The following TLCD3B variants were observed in gnomAD, a reference collection of about 807,000 sequenced individuals.
The protein encoded by TLCD3B is ceramide synthase.
In TLCD3B, 9 loss-of-function variants were observed where a neutral mutation model predicts 23.0. The observed-to-expected ratio is 0.39, with a 90% confidence interval of 0.24 to 0.68. TLCD3B has a LOEUF of 0.68. Ranked by LOEUF, TLCD3B falls within the 30% of genes least tolerant of loss-of-function variation. The pLI, the probability that TLCD3B is intolerant of heterozygous loss-of-function variation, is 0.44. For missense variants in TLCD3B, 307 were observed against 371.8 expected (o/e 0.83, Z 1.43); for synonymous variants, 161 against 161.0 (o/e 1.00, Z 0.00).
At position 30,030,852 on chromosome 16, in the gene TLCD3B, G is replaced by T; in HGVS notation, c.-325C>A. The T allele has an allele frequency of 3.1e-6, 3 of 958,614 alleles. No homozygotes were observed. The highest frequency in any genetic ancestry group is 3.7e-6 in the Non-Finnish European group (3 of 802,578). 59.4% of individuals were successfully genotyped at this position (958,614 alleles called of 1,614,324 possible). ...GAGGAAGAGGGGACAGGAGGAGGAG[G>T]ATGCGGATGGGGGAGGGGAGGGAGC... On this transcript the variant is annotated 5_prime_UTR_variant, in exon 1 of 5. Coordinates refer to ENST00000380495, the MANE Select transcript of TLCD3B (RefSeq NM_031478.6).
chr16:30,029,411 G>C lies in TLCD3B; in HGVS notation c.209+21C>G. The C allele has an allele frequency of 6.2e-7, 1 of 1,609,750 alleles. No homozygotes were observed. The highest frequency in any genetic ancestry group is 8.5e-7 in the Non-Finnish European group (1 of 1,176,522). ...CGCCAACCACTGGCACCTGGGCAGG[G>C]GGGTGTCTCGCAGCACTTACTGGTC... On this transcript the variant is annotated intron_variant, in intron 2 of 4. Transcript: ENST00000380495. This position sits in a 1 kb window ranked among gnomAD's most constrained non-coding sequence, Gnocchi z 4.6.
chr16:30,026,865 TG>T (rs751453031), intron 2 of TLCD3B, 22 bp from the exon 3 acceptor site: 2 of 1,603,774 alleles, frequency 1.2e-6, no homozygotes, highest in Admixed American at 1.7e-5. Context: ...AGAGACGGGG[TG>T]GGGGAGCAAG....
Position 30,029,286 on chromosome 16 carries a change from GC to G in TLCD3B, c.209+145del. The G allele has an allele frequency of 3.0e-6, 2 of 670,054 alleles. No individual in the cohort carries two copies. Among genetic ancestry groups the G allele is most frequent in the Non-Finnish European group, 5.4e-6 (2 of 371,124 alleles). 41.5% of individuals were successfully genotyped at this position (670,054 alleles called of 1,614,324 possible). ...TAAATTTATCCCTGGGTGTTGAGTT[GC>G]GGTTATTGCAGTTAACTTGCTCAGG... On this transcript the variant is annotated intron_variant, in intron 2 of 4. Coordinates refer to ENST00000380495, the MANE Select transcript of TLCD3B (RefSeq NM_031478.6). The surrounding 1 kb of genome is among the most constrained non-coding windows in gnomAD (Gnocchi z 4.6).
intron 3 of TLCD3B, among the ~76,000 whole-genome samples, chr16:30,039,195 C>T (rs1404322571): frequency 7.1e-6 from 1 of 141,776 alleles, no homozygotes; most frequent in Non-Finnish European, 1.5e-5. Flanking sequence ...GCAATCTCAG[C>T]TTACCGCAAA....
In TLCD3B at chr16:30,029,653, G is replaced by A; in HGVS notation, c.126-138C>T. On this transcript the variant is annotated intron_variant, in intron 1 of 4. Transcript: ENST00000380495. This position sits in a 1 kb window ranked among gnomAD's most constrained non-coding sequence, Gnocchi z 4.6. ...CAGTCCTTGCCTGCCTTCGCCCAAG[G>A]CTGGGCTGCCTGAGGTGTGCCCCAC... is the stretch of plus-strand genomic sequence containing the variant. The A allele has an allele frequency of 1.3e-6, 1 of 753,564 alleles. No individual in the cohort carries two copies. The highest frequency in any genetic ancestry group is 2.1e-5 in the Admixed American group (1 of 46,816). 46.7% of individuals were successfully genotyped at this position (753,564 alleles called of 1,614,324 possible). A position where few individuals can be genotyped will look rare whatever the true frequency, so the allele number is the denominator to read the frequency against.
At chr16:30,041,932 C>T (rs1288369717) in intron 2 of TLCD3B, among the ~76,000 whole-genome samples, 2 of 152,150 alleles carry the variant, frequency 1.3e-5, no homozygotes, top group Admixed American at 6.6e-5. Context: ...AAGCCAATTT[C>T]ACTGCCCACT....
At chr16:30,026,519 A>G in intron 3 of TLCD3B, 90 bp downstream of exon 3, 1 of 1,163,300 alleles carries the variant, frequency 8.6e-7, no homozygotes, top group Non-Finnish European at 1.2e-6. Flanking sequence ...GTCAGTACGC[A>G]GACCCGGGGC....
At chr16:30,050,738 T>A (rs964059668) in intron 1 of TLCD3B, among the ~76,000 whole-genome samples, 6 of 152,110 alleles carry the variant, frequency 3.9e-5, no homozygotes, top group Non-Finnish European at 7.4e-5. Flanking sequence ...AAGATTTGGA[T>A]CCAGGGACAC....
chr16:30,028,908 C>CA (rs2071263654), intron 2 of TLCD3B, among the ~76,000 whole-genome samples: 1 of 152,254 alleles, frequency 6.6e-6, no homozygotes, highest in South Asian at 2.1e-4. Context: ...CCAGACACTG[C>CA]AGCAGCTGCC....
Position 30,040,083 on chromosome 16 carries a change from G to A in TLCD3B, c.-67+912C>T, listed in dbSNP as rs184631482. Reference sequence around the variant, plus strand: ...CAGGAGGCGGAGGTTGCAGTGATCCGAGATGGTGCCACTGCACTCCAATCT... The same window carrying A: ...CAGGAGGCGGAGGTTGCAGTGATCCAAGATGGTGCCACTGCACTCCAATCT... On this transcript the variant is annotated intron_variant, in intron 3 of 6. Coordinates refer to the TLCD3B transcript ENST00000561666. 3.4e-4 allele frequency among the ~76,000 whole-genome samples: 50 copies of A among 147,000 alleles called. No individual in the cohort carries two copies. In the East Asian group the frequency reaches 9.3e-3, roughly 27 times the overall value.
rs1227771612 is a variant in TLCD3B, at chr16:30,029,559, G to A, written c.126-44C>T. 6.6e-7 allele frequency: 1 copy of A among 1,503,906 alleles called. No homozygotes were observed. The highest frequency in any genetic ancestry group is 9.2e-7 in the Non-Finnish European group (1 of 1,084,130). 93.2% of individuals were successfully genotyped at this position (1,503,906 alleles called of 1,614,324 possible). ...CGTGCTAGAAAGGCAGAAGGGAAGAGGCGTGTGCCTTGATTTCTCCTCGTT... is the reference window on the plus strand; with the variant it reads ...CGTGCTAGAAAGGCAGAAGGGAAGAAGCGTGTGCCTTGATTTCTCCTCGTT... On this transcript the variant is annotated intron_variant, in intron 1 of 4. Transcript: ENST00000380495. The surrounding 1 kb of genome is among the most constrained non-coding windows in gnomAD (Gnocchi z 4.6).
intron 1 of TLCD3B, among the ~76,000 whole-genome samples, chr16:30,052,228 C>T (rs116878064): frequency 0.046 from 6,893 of 150,280 alleles, 236 homozygotes; most frequent in Middle Eastern, 0.12. Flanking sequence ...ATTAGGTGTG[C>T]GTGGTGGCAG....
chr16:30,041,037 T>A (rs966384128), exon 3 of TLCD3B: 1 of 152,128 alleles, frequency 6.6e-6, no homozygotes, highest in Non-Finnish European at 1.5e-5. Flanking sequence ...TTACAGGCCA[T>A]GAGCTGGTTA....
At chr16:30,036,541 G>C (rs974063340) in intron 3 of TLCD3B, 2 of 633,140 alleles carry the variant, frequency 3.2e-6, no homozygotes, top group African/African-American at 1.9e-5. Flanking sequence ...GCAAAGGCAC[G>C]AGGCTGCTCT....
At chr16:30,039,102 T>TAATTA (rs1596768545) in intron 3 of TLCD3B, among the ~76,000 whole-genome samples, 1 of 40,182 alleles carries the variant, frequency 2.5e-5, no homozygotes, top group African/African-American at 1.1e-4. Flanking sequence ...CTCCTTCCTC[T>TAATTA]CTTTTTTTTT....
chr16:30,050,643 T>C (rs951304237), intron 1 of TLCD3B, among the ~76,000 whole-genome samples: 2 of 152,222 alleles, frequency 1.3e-5, no homozygotes, highest in Non-Finnish European at 2.9e-5. Flanking sequence ...ACTTCTGTTT[T>C]CTGGGCTTGA....
chr16:30,035,542 C>A (rs1350786476), upstream of TLCD3B: 10 of 1,273,198 alleles, frequency 7.9e-6, no homozygotes, highest in African/African-American at 6.1e-5. Flanking sequence ...CACCCTCAGA[C>A]CCCCCAGCAG....
chr16:30,032,597 G>A (rs1011656301), upstream of TLCD3B: 1 of 150,638 alleles, frequency 6.6e-6, no homozygotes, highest in African/African-American at 2.4e-5. Context: ...GTTCTTACTT[G>A]GTATCCCTGT....
chr16:30,047,282 A>G (rs1242816263), intron 1 of TLCD3B, among the ~76,000 whole-genome samples: 1 of 151,942 alleles, frequency 6.6e-6, no homozygotes, highest in African/African-American at 2.4e-5. Flanking sequence ...GGCTACAAGC[A>G]TGTGCCACCG....
Sources: allele counts gnomAD v4.1 joint callset (sites outside exome capture counted in the v4.1 genomes callset), GRCh38; gene constraint gnomAD v4.1.1; non-coding constraint Gnocchi (gnomAD v3.1); transcripts MANE v1.5; gene names NCBI Gene and HGNC (gene_info 2026-07-23, HGNC 2026-07-21).